Variants in HPSE2 observed in about 807,000 individuals in gnomAD.
HPSE2 encodes heparanase 2 (inactive), also known as inactive heparanase-2.
Under a neutral mutation model 60.5 loss-of-function variants are expected in HPSE2, and 38 were observed. The observed-to-expected ratio is 0.63, with a 90% confidence interval of 0.48 to 0.82. The LOEUF (loss-of-function observed/expected upper bound fraction) is 0.82, where lower values mean the gene tolerates loss of function less well. Among genes scored for constraint, HPSE2 ranks in the 40% least tolerant of loss-of-function variants. The probability of loss-of-function intolerance (pLI) is 0.00; values close to 1 mark genes in which losing one functional copy is unlikely to be tolerated. For synonymous variants in HPSE2, 295 were observed against 293.2 expected (o/e 1.01, Z -0.06); for missense variants, 713 against 740.4 (o/e 0.96, Z 0.43).
chr10:99,261,473 C>T, the HPSE2 span, among the ~76,000 whole-genome samples: 1 of 152,188 alleles, frequency 6.6e-6, no homozygotes, highest in Admixed American at 6.5e-5. Flanking sequence ...CTTTATCTAA[C>T]CTCTCCCAAA....
At chr10:99,101,325 C>G (rs1268034226) in intron 3 of HPSE2, among the ~76,000 whole-genome samples, 1 of 152,120 alleles carries the variant, frequency 6.6e-6, no homozygotes, top group Non-Finnish European at 1.5e-5. Context: ...CAAAAAAAGG[C>G]AGGGGTTGCA....
intron 9 of HPSE2, among the ~76,000 whole-genome samples, chr10:98,607,011 G>T (rs1945608493): frequency 6.6e-6 from 1 of 151,596 alleles, no homozygotes; most frequent in Non-Finnish European, 1.5e-5. Flanking sequence ...CCTAGCAAAG[G>T]ACATTTCTTT....
the HPSE2 span, among the ~76,000 whole-genome samples, chr10:99,305,971 G>GCACACACA: frequency 0.038 from 1,587 of 41,740 alleles, 22 homozygotes; most frequent in Non-Finnish European, 0.054. Flanking sequence ...ACGCGCGCGC[G>GCACACACA]CGCGCGCGCA....
intron 4 of HPSE2, among the ~76,000 whole-genome samples, chr10:98,732,030 A>T (rs1307225648): frequency 1.3e-5 from 2 of 152,196 alleles, no homozygotes; most frequent in Non-Finnish European, 2.9e-5. Flanking sequence ...AAATACTTCC[A>T]TTCCCAATTG....
intron 6 of HPSE2, among the ~76,000 whole-genome samples, chr10:98,652,755 T>C (rs1416673465): frequency 6.6e-6 from 1 of 152,226 alleles, no homozygotes; most frequent in Admixed American, 6.5e-5. Context: ...AATGGTATCT[T>C]GGCTAAAATG....
At chr10:99,047,112 T>TA (rs1177232017) in intron 3 of HPSE2, among the ~76,000 whole-genome samples, 1 of 151,966 alleles carries the variant, frequency 6.6e-6, no homozygotes, top group Non-Finnish European at 1.5e-5. Flanking sequence ...GGAACTGGTA[T>TA]AAAAAACAGA....
intron 5 of HPSE2, among the ~76,000 whole-genome samples, chr10:98,704,550 T>C (rs553183778): frequency 3.7e-4 from 56 of 152,244 alleles, no homozygotes; most frequent in African/African-American, 4.8e-5. Context: ...ATGGTACTTG[T>C]CCCAAAACAG....
At chr10:98,523,126 T>C (rs949137963) in intron 9 of HPSE2, among the ~76,000 whole-genome samples, 3 of 152,176 alleles carry the variant, frequency 2.0e-5, no homozygotes, top group Non-Finnish European at 4.4e-5. Flanking sequence ...TGTTTGTTTG[T>C]TTGTTTCCAG....
At chr10:99,111,276 G>A (rs1844446483) in intron 3 of HPSE2, among the ~76,000 whole-genome samples, 1 of 152,098 alleles carries the variant, frequency 6.6e-6, no homozygotes, top group South Asian at 2.1e-4. Context: ...TTCCTCTTTA[G>A]TATTGTGTTG....
chr10:99,031,522 T>G (rs1292603488), intron 3 of HPSE2, among the ~76,000 whole-genome samples: 1 of 152,180 alleles, frequency 6.6e-6, no homozygotes, highest in Non-Finnish European at 1.5e-5. Context: ...GATAGACACA[T>G]TTCTTCCTAT....
intron 3 of HPSE2, among the ~76,000 whole-genome samples, chr10:99,025,438 T>C (rs1363779805): frequency 6.6e-6 from 1 of 152,054 alleles, no homozygotes; most frequent in Non-Finnish European, 1.5e-5. Context: ...AGCAAGGACA[T>C]GGAATCAACC....
intron 6 of HPSE2, among the ~76,000 whole-genome samples, chr10:98,692,948 C>A (rs1186103979): frequency 3.9e-5 from 6 of 152,198 alleles, no homozygotes; most frequent in Non-Finnish European, 5.9e-5. Flanking sequence ...GAGGGAGAAG[C>A]AATCTTAATA....
At chr10:99,169,277 AG>A (rs1387765552) in intron 2 of HPSE2, among the ~76,000 whole-genome samples, 1 of 150,404 alleles carries the variant, frequency 6.6e-6, no homozygotes, top group Non-Finnish European at 1.5e-5. Context: ...AGACCGAGGC[AG>A]GCGGATCACG....
chr10:99,079,799 A>G (rs1433110676), intron 3 of HPSE2, among the ~76,000 whole-genome samples: 1 of 151,934 alleles, frequency 6.6e-6, no homozygotes, highest in Admixed American at 6.6e-5. Flanking sequence ...CTATAGTGAC[A>G]CTCAGTCCAA....
chr10:98,467,029 C>A (rs1318401971), intron 11 of HPSE2, among the ~76,000 whole-genome samples: 1 of 152,280 alleles, frequency 6.6e-6, no homozygotes, highest in East Asian at 1.9e-4. Context: ...TATCTAATCG[C>A]GGCCTAAGCA....
chr10:98,886,226 A>G (rs1323285131), intron 3 of HPSE2, among the ~76,000 whole-genome samples: 1 of 152,140 alleles, frequency 6.6e-6, no homozygotes, highest in Non-Finnish European at 1.5e-5. Context: ...GTTTTTCAAA[A>G]ACAAGTGTGC....
At chr10:98,569,421 T>C (rs539811210) in intron 9 of HPSE2, among the ~76,000 whole-genome samples, 82 of 152,252 alleles carry the variant, frequency 5.4e-4, no homozygotes, top group African/African-American at 1.9e-3. Flanking sequence ...TTAATTAAAA[T>C]GTAAAATAAA....
chr10:98,963,183 T>G (rs952463431), intron 3 of HPSE2, among the ~76,000 whole-genome samples: 1 of 152,180 alleles, frequency 6.6e-6, no homozygotes, highest in Non-Finnish European at 1.5e-5. Context: ...CCTTCTATCA[T>G]GTTCAAGTCC....
chr10:98,564,429 G>C (rs1457158923), intron 9 of HPSE2, among the ~76,000 whole-genome samples: 1 of 152,142 alleles, frequency 6.6e-6, no homozygotes, highest in Non-Finnish European at 1.5e-5. Context: ...GTTAACTATT[G>C]TTGCAATTTC....
Sources: gnomAD v4.1 joint callset for allele counts (sites outside exome capture counted in the v4.1 genomes callset) on GRCh38, gnomAD v4.1.1 for gene constraint, MANE v1.5 for transcripts, NCBI Gene and HGNC (gene_info 2026-07-23, HGNC 2026-07-21) for gene names.